TRHDE: variants seen among roughly 807,000 people sequenced by gnomAD.
TRHDE encodes thyrotropin releasing hormone degrading enzyme.
TRHDE carries 72 observed loss-of-function variants against 125.7 expected under a neutral mutation model. The ratio of observed to expected loss-of-function variants is 0.57; its 90% CI spans 0.47 to 0.70. TRHDE has a LOEUF of 0.70. Among genes scored for constraint, TRHDE ranks in the 30% least tolerant of loss-of-function variants. TRHDE has a pLI of 0.00. For synonymous variants in TRHDE, 509 were observed against 509.1 expected (o/e 1.00, Z 0.00); for missense variants, 1,110 against 1,327.1 (o/e 0.84, Z 2.54).
chr12:72,321,448 G>A (rs1399161578), intron 2 of TRHDE, among the ~76,000 whole-genome samples: 1 of 152,084 alleles, frequency 6.6e-6, no homozygotes, highest in Non-Finnish European at 1.5e-5. Flanking sequence ...CACTGTTCAG[G>A]GAAAACCAAA....
chr12:72,538,268 G>T (rs1459853901), intron 6 of TRHDE, among the ~76,000 whole-genome samples: 1 of 151,884 alleles, frequency 6.6e-6, no homozygotes, highest in East Asian at 1.9e-4. Context: ...GCCTACTATG[G>T]CCTTCTCTTA....
chr12:72,239,164 GTGTT>G (rs1449067254), intron 2 of TRHDE, among the ~76,000 whole-genome samples: 2 of 151,970 alleles, frequency 1.3e-5, no homozygotes, highest in Non-Finnish European at 2.9e-5. Flanking sequence ...ATTTCTTCAT[GTGTT>G]TGTTGGTTGC....
In TRHDE at chr12:72,135,048, A is replaced by C. The variant is rs182008169; in HGVS notation, n.279+29296A>C. ...AAACACTATTAAAAAAAAAAGAAAA[A>C]AGAAAAGACAAGGATGTGAGCATGA... On this transcript the variant is annotated intron_variant and non_coding_transcript_variant, in intron 2 of 4. Coordinates refer to the TRHDE transcript ENST00000548156. 2.2e-3 allele frequency among the ~76,000 whole-genome samples: 342 copies of C among 152,286 alleles called. 2 individuals carry two copies. Among genetic ancestry groups the C allele is most frequent in the Middle Eastern group, 0.01 (3 of 294 alleles).
At chr12:72,429,435 G>A (rs2135838831) in intron 3 of TRHDE, among the ~76,000 whole-genome samples, 1 of 151,528 alleles carries the variant, frequency 6.6e-6, no homozygotes, top group South Asian at 2.1e-4. Flanking sequence ...ATCAGGTGAG[G>A]GACATTTACA....
At chr12:72,647,697 A>T (rs929691907) in intron 15 of TRHDE, among the ~76,000 whole-genome samples, 2 of 152,124 alleles carry the variant, frequency 1.3e-5, no homozygotes, top group Admixed American at 1.3e-4. Flanking sequence ...CTTCTACAAA[A>T]TATAGCTTAT....
intron 7 of TRHDE, among the ~76,000 whole-genome samples, chr12:72,544,031 A>C (rs1869288994): frequency 6.6e-6 from 1 of 151,086 alleles, no homozygotes; most frequent in Admixed American, 6.6e-5. Context: ...GATATGGTTA[A>C]TTTTCAACTG....
intron 17 of TRHDE, 108 bp downstream of exon 17, chr12:72,653,264 T>A: frequency 1.2e-6 from 1 of 804,512 alleles, no homozygotes; most frequent in Non-Finnish European, 1.8e-6. Flanking sequence ...GTTTAGATAT[T>A]AAAATATTCA....
chr12:72,203,835 A>G (rs1877611930), intron 2 of TRHDE, among the ~76,000 whole-genome samples: 1 of 152,154 alleles, frequency 6.6e-6, no homozygotes, highest in Non-Finnish European at 1.5e-5. Context: ...CTCCACATAC[A>G]TAGGCCAGAC....
intron 15 of TRHDE, among the ~76,000 whole-genome samples, chr12:72,641,929 A>G (rs1874080964): frequency 6.6e-6 from 1 of 152,116 alleles, no homozygotes; most frequent in Non-Finnish European, 1.5e-5. Flanking sequence ...AGTATTAGGA[A>G]GTAGGGTCTT....
intron 5 of TRHDE, among the ~76,000 whole-genome samples, chr12:72,499,050 T>G (rs1187507346): frequency 1.3e-5 from 2 of 151,984 alleles, no homozygotes; most frequent in Non-Finnish European, 2.9e-5. Flanking sequence ...AAAAAAGAGC[T>G]GTTCAAATGT....
At chr12:72,563,439 A>C (rs950023627) in intron 9 of TRHDE, among the ~76,000 whole-genome samples, 7 of 152,152 alleles carry the variant, frequency 4.6e-5, no homozygotes, top group Non-Finnish European at 1.0e-4. Flanking sequence ...ATGCAGAAAA[A>C]CTAAAACAAA....
chr12:72,354,223 TACAC>T (rs1223829314), intron 2 of TRHDE, among the ~76,000 whole-genome samples: 11 of 151,570 alleles, frequency 7.3e-5, no homozygotes, highest in African/African-American at 2.2e-4. Flanking sequence ...AAATCTAAAA[TACAC>T]ACAAAATGCA....
chr12:72,261,550 C>A (rs925456537), intron 2 of TRHDE, among the ~76,000 whole-genome samples: 2 of 152,156 alleles, frequency 1.3e-5, no homozygotes, highest in African/African-American at 4.8e-5. Flanking sequence ...AATTTGGCTC[C>A]TTTCCCTTTA....
chr12:72,184,785 A>T (rs888249183), intron 2 of TRHDE, among the ~76,000 whole-genome samples: 2 of 152,138 alleles, frequency 1.3e-5, no homozygotes, highest in African/African-American at 2.4e-5. Context: ...TTCTTTAGGG[A>T]AAACTAAGAT....
At chr12:72,380,768 T>TTCCA (rs1872126587) in intron 3 of TRHDE, among the ~76,000 whole-genome samples, 10 of 96,290 alleles carry the variant, frequency 1.0e-4, no homozygotes, top group African/African-American at 2.9e-4. Context: ...CCTTCCTTGC[T>TTCCA]TCCTTCCTTC....
intron 2 of TRHDE, among the ~76,000 whole-genome samples, chr12:72,345,202 G>A (rs914104897): frequency 2.0e-5 from 3 of 152,080 alleles, no homozygotes; most frequent in African/African-American, 7.2e-5. Flanking sequence ...CTACAGACAT[G>A]ACACATTTTA....
At chr12:72,394,364 C>T (rs1205938179) in intron 3 of TRHDE, among the ~76,000 whole-genome samples, 1 of 152,082 alleles carries the variant, frequency 6.6e-6, no homozygotes, top group Non-Finnish European at 1.5e-5. Flanking sequence ...AACAAACTGC[C>T]TAAGAGATCA....
At position 72,336,135 on chromosome 12, in the gene TRHDE, T is replaced by G. The variant is rs116021757; in HGVS notation, c.1189-41860T>G. On this transcript the variant is annotated intron_variant, in intron 2 of 18. Coordinates refer to ENST00000261180, the MANE Select transcript of TRHDE (RefSeq NM_013381.3). ...AAGAATTTTAACATTTGTTGAGAAC[T>G]TACCATTTATTATCTATTCTAAAAC... is the stretch of plus-strand genomic sequence containing the variant. Among the ~76,000 whole-genome samples, 1,398 of 152,256 alleles carry G rather than the reference T, an allele frequency of 9.2e-3. 15 individuals carry two copies. The highest frequency in any genetic ancestry group is 0.031 in the African/African-American group (1,288 of 41,532).
chr12:72,633,211 T>C (rs971334838), intron 15 of TRHDE, among the ~76,000 whole-genome samples: 1 of 152,054 alleles, frequency 6.6e-6, no homozygotes, highest in African/African-American at 2.4e-5. Flanking sequence ...GAGTAATCTT[T>C]TGATAGATTT....
Sources: allele counts gnomAD v4.1 joint callset (sites outside exome capture counted in the v4.1 genomes callset), GRCh38; gene constraint gnomAD v4.1.1; transcripts MANE v1.5; gene names NCBI Gene and HGNC (gene_info 2026-07-23, HGNC 2026-07-21).